Variants in ARHGAP44 observed in about 807,000 individuals in gnomAD.
ARHGAP44 encodes Rho GTPase activating protein 44.
A neutral mutation model predicts 106.8 loss-of-function variants in ARHGAP44; 43 were observed. The ratio of observed to expected loss-of-function variants is 0.40; its 90% CI spans 0.32 to 0.52. The LOEUF (loss-of-function observed/expected upper bound fraction) is 0.52. Ranked by LOEUF, ARHGAP44 falls within the 20% of genes least tolerant of loss-of-function variation. The pLI is 0.48. For synonymous variants in ARHGAP44, 439 were observed against 410.3 expected, an observed-to-expected ratio of 1.07 and a Z score of -0.85; for missense variants, 866 against 1,050.5, an observed-to-expected ratio of 0.82 and a Z score of 2.43.
At chr17:12,915,491 G>A (rs938697607) in intron 4 of ARHGAP44, among the ~76,000 whole-genome samples, 5 of 151,838 alleles carry the variant, frequency 3.3e-5, no homozygotes, top group Non-Finnish European at 5.9e-5. Flanking sequence ...TTACATTTTC[G>A]TGGCTTAGGA....
At chr17:12,984,971 G>A in intron 20 of ARHGAP44, 63 bp downstream of exon 20, 1 of 1,528,606 alleles carries the variant, frequency 6.5e-7, no homozygotes, top group Non-Finnish European at 8.8e-7. Context: ...GCCTAGGGGA[G>A]GGATTGCTAG....
intron 1 of ARHGAP44, among the ~76,000 whole-genome samples, chr17:12,830,442 A>C (rs1487936332): frequency 6.6e-6 from 1 of 151,976 alleles, no homozygotes; most frequent in Non-Finnish European, 1.5e-5. Context: ...TCAGATTGTT[A>C]CATCTTCACT....
At chr17:12,833,123 T>G (rs11078091) in intron 1 of ARHGAP44, among the ~76,000 whole-genome samples, 7,324 of 152,264 alleles carry the variant, frequency 0.048, 192 homozygotes, top group East Asian at 0.06. Flanking sequence ...AGGGTAGTCT[T>G]CGTTCTGTTT....
In ARHGAP44 at chr17:12,894,975, T is replaced by G. The variant is rs953124079; in HGVS notation, c.89T>G (p.Leu30Arg). 15 of 1,588,086 alleles carry G rather than the reference T, an allele frequency of 9.4e-6. No homozygotes were observed. Among genetic ancestry groups the G allele is most frequent in the Non-Finnish European group, 1.3e-5 (15 of 1,166,288 alleles). ...ACAGAAGTTTTGAGTGAAGACCTTC[T>G]TCAGGTAAGGCGGCCATTGACACTG... ...EKTEVLSEDL[L>R]QVEKRLELVK... Residue 30 changes from leucine to arginine, a missense_variant, in exon 2 of 21, where the codon CTT becomes CGT. Physicochemically the swap from Leu to Arg is moderately radical, Grantham distance 102. Transcript: ENST00000379672.
chr17:12,807,202 G>A (rs1201130288), intron 1 of ARHGAP44, among the ~76,000 whole-genome samples: 2 of 152,132 alleles, frequency 1.3e-5, no homozygotes, highest in Admixed American at 6.5e-5. Flanking sequence ...GCATTGAATC[G>A]GAGCAGTGCT....
chr17:12,943,993 A>G lies in ARHGAP44; in HGVS notation c.734-76A>G, dbSNP rs577732919. ...TTGGTAATCTTAGGAGAATCTGGAC[A>G]ACAAAGGAAAGCGAGATTCCAGCAT... On this transcript the variant is annotated intron_variant, in intron 9 of 20. Transcript: ENST00000379672. The G allele has an allele frequency of 4.9e-5, 73 of 1,476,026 alleles. No individual in the cohort carries two copies. In the African/African-American group the frequency reaches 8.4e-4, roughly 17 times the overall value. 91.4% of individuals were successfully genotyped at this position (1,476,026 alleles called of 1,614,324 possible). A position where few individuals can be genotyped will look rare whatever the true frequency, so the allele number is the denominator to read the frequency against.
rs114070060 is a variant in ARHGAP44, at chr17:12,796,182, A to C, written c.53+6291A>C. 1.3e-3 allele frequency among the ~76,000 whole-genome samples: 200 copies of C among 151,434 alleles called. 1 individual carries two copies. The highest frequency in any genetic ancestry group is 4.6e-3 in the African/African-American group (189 of 40,790). ...TATCTATCTATTCTTTAAAAAGAGT[A>C]CAGACCATACTCTGTATACTGTTTT... On this transcript the variant is annotated intron_variant, in intron 1 of 20. Transcript: ENST00000379672.
intron 7 of ARHGAP44, among the ~76,000 whole-genome samples, chr17:12,938,763 A>G (rs972838318): frequency 6.6e-6 from 1 of 152,186 alleles, no homozygotes; most frequent in African/African-American, 2.4e-5. Flanking sequence ...TTTGCTAATG[A>G]TTTAGATAAA....
At chr17:12,871,892 G>A (rs905277295) in intron 1 of ARHGAP44, among the ~76,000 whole-genome samples, 4 of 152,160 alleles carry the variant, frequency 2.6e-5, no homozygotes, top group African/African-American at 9.6e-5. Flanking sequence ...AAGCCAAGCA[G>A]ATGCCAGCAT....
chr17:12,952,021 C>T (rs1261558078), intron 12 of ARHGAP44, among the ~76,000 whole-genome samples: 2 of 152,088 alleles, frequency 1.3e-5, no homozygotes, highest in South Asian at 2.1e-4. Context: ...ATGGGACATC[C>T]GGGGGCCACA....
In ARHGAP44 at chr17:12,841,585, G is replaced by GTCTCTCTCTC. The variant is rs146801593; in HGVS notation, c.53+51695_53+51704dup. Among the ~76,000 whole-genome samples the GTCTCTCTCTC allele has an allele frequency of 4.6e-3, 563 of 123,176 alleles. 9 individuals carry two copies. The highest frequency in any genetic ancestry group is 0.019 in the African/African-American group (525 of 27,896). 80.8% of individuals were successfully genotyped at this position (123,176 alleles called of 152,430 possible). A position where few individuals can be genotyped will look rare whatever the true frequency, so the allele number is the denominator to read the frequency against. On this transcript the variant is annotated intron_variant, in intron 1 of 20. Transcript: ENST00000379672. ...CAACAGAGTGAGACCCTGTCTCTCT[G>GTCTCTCTCTC]TCTCTCTCTCACACACACACACACA...
chr17:12,819,843 A>G (rs1377892954), intron 1 of ARHGAP44, among the ~76,000 whole-genome samples: 2 of 152,024 alleles, frequency 1.3e-5, no homozygotes, highest in African/African-American at 4.8e-5. Flanking sequence ...GTTATTACCA[A>G]TGCTGCCCCC....
At chr17:12,825,320 A>G (rs987667844) in intron 1 of ARHGAP44, among the ~76,000 whole-genome samples, 6 of 144,842 alleles carry the variant, frequency 4.1e-5, no homozygotes, top group Non-Finnish European at 7.4e-5. Context: ...TTACAGCATG[A>G]GCCACTGCTC....
chr17:12,882,851 A>C (rs754287902), intron 1 of ARHGAP44, among the ~76,000 whole-genome samples: 3 of 151,874 alleles, frequency 2.0e-5, no homozygotes, highest in Non-Finnish European at 4.4e-5. Context: ...ATGGTCTATA[A>C]TTTTCTTTAT....
Position 12,830,425 on chromosome 17 carries a change from T to C in ARHGAP44, c.53+40534T>C, listed in dbSNP as rs528782530. Among the ~76,000 whole-genome samples the C allele has an allele frequency of 1.1e-4, 16 of 152,294 alleles. No individual in the cohort carries two copies. The South Asian group carries it at 3.1e-3, about 30-fold the overall frequency. ...TAAGATGTGGCTGGGAGGAGAGTAT[T>C]GATTCCTCAGATTGTTACATCTTCA... On this transcript the variant is annotated intron_variant, in intron 1 of 20. Coordinates refer to ENST00000379672, the MANE Select transcript of ARHGAP44 (RefSeq NM_014859.6).
At chr17:12,957,852 A>G (rs538924429) in intron 15 of ARHGAP44, among the ~76,000 whole-genome samples, 58 of 152,330 alleles carry the variant, frequency 3.8e-4, no homozygotes, top group Admixed American at 1.0e-3. Context: ...GCATGTGAGG[A>G]TAGGTTAGTA....
chr17:12,878,560 T>A (rs2036626608), intron 1 of ARHGAP44, among the ~76,000 whole-genome samples: 1 of 148,158 alleles, frequency 6.7e-6, no homozygotes, highest in Non-Finnish European at 1.5e-5. Flanking sequence ...TGATGAATAA[T>A]GATCCTTGTT....
chr17:12,851,579 C>T (rs1423656877), intron 1 of ARHGAP44, among the ~76,000 whole-genome samples: 1 of 152,098 alleles, frequency 6.6e-6, no homozygotes, highest in Non-Finnish European at 1.5e-5. Flanking sequence ...GGATTACAGG[C>T]ATGCGCCACC....
chr17:12,919,336 C>T (rs558634931), intron 5 of ARHGAP44, among the ~76,000 whole-genome samples: 4 of 151,852 alleles, frequency 2.6e-5, no homozygotes, highest in African/African-American at 7.2e-5. Flanking sequence ...ATTGCGAGAC[C>T]GCTAGTAAAC....
Sources: gnomAD v4.1 joint callset for allele counts (sites outside exome capture counted in the v4.1 genomes callset) on GRCh38, gnomAD v4.1.1 for gene constraint, MANE v1.5 for transcripts, NCBI Gene and HGNC (gene_info 2026-07-23, HGNC 2026-07-21) for gene names.